SUDS3: variants seen among roughly 807,000 people sequenced by gnomAD.
SUDS3 encodes sin3 histone deacetylase corepressor complex component SDS3.
SUDS3 carries 23 observed loss-of-function variants against 53.5 expected under a neutral mutation model. The ratio of observed to expected loss-of-function variants is 0.43; its 90% CI spans 0.31 to 0.61. The LOEUF (loss-of-function observed/expected upper bound fraction) is 0.61. SUDS3 is among the 20% of genes least tolerant of loss of function. The probability of loss-of-function intolerance (pLI) is 0.10; values close to 1 mark genes in which losing one functional copy is unlikely to be tolerated. For missense variants in SUDS3, 291 were observed against 405.9 expected, an observed-to-expected ratio of 0.72 and a Z score of 2.43; for synonymous variants, 150 against 148.5, an observed-to-expected ratio of 1.01 and a Z score of -0.08.
At chr12:118,391,324 G>T (rs150162609) in intron 6 of SUDS3, 42 bp downstream of exon 6, 80 of 1,557,924 alleles carry the variant, frequency 5.1e-5, no homozygotes, top group Non-Finnish European at 6.4e-5. Context: ...GGCCCTGAGC[G>T]GGGGGGTGTG....
chr12:118,408,543 G>A (rs55659011), intron 10 of SUDS3, among the ~76,000 whole-genome samples: 17,451 of 148,992 alleles, frequency 0.12, 1,273 homozygotes, highest in Middle Eastern at 0.2. Flanking sequence ...CATGTTGGTC[G>A]GGCTGGTCTT....
At chr12:118,407,200 T>C (rs2046316030) in intron 10 of SUDS3, among the ~76,000 whole-genome samples, 1 of 152,128 alleles carries the variant, frequency 6.6e-6, no homozygotes, top group Non-Finnish European at 1.5e-5. Flanking sequence ...AACACTTTAA[T>C]ATCTAAGGAC....
intron 10 of SUDS3, among the ~76,000 whole-genome samples, chr12:118,406,980 T>G (rs1409818158): frequency 1.3e-5 from 2 of 151,154 alleles, no homozygotes; most frequent in Non-Finnish European, 1.5e-5. Context: ...CACTGGAGCC[T>G]TGATCCCCCT....
intron 6 of SUDS3, among the ~76,000 whole-genome samples, chr12:118,393,438 C>T (rs1333020966): frequency 6.6e-6 from 1 of 152,126 alleles, no homozygotes. Context: ...CGTTTATAAA[C>T]CTCCATAGGA....
chr12:118,414,965 C>T lies in SUDS3; in HGVS notation c.*532C>T, dbSNP rs1336066866. 3 of 152,270 alleles carry T rather than the reference C, an allele frequency of 2.0e-5. No individual in the cohort carries two copies. Among genetic ancestry groups the T allele is most frequent in the East Asian group, 3.9e-4 (2 of 5,180 alleles). The allele number at this position is 152,270 out of a possible 1,614,324, so 9.4% of individuals were successfully genotyped here. The stretch of plus-strand genomic sequence containing the variant: ...ATGATGAATTCTCGTGGCTCTCGGC[C>T]TTCTCAGAGAAATAAATGCTTTGTG... On this transcript the variant is annotated 3_prime_UTR_variant, in exon 12 of 12. Coordinates refer to ENST00000543473, the MANE Select transcript of SUDS3 (RefSeq NM_022491.3).
Position 118,406,041 on chromosome 12 carries a change from G to A in SUDS3, c.803+2524G>A, listed in dbSNP as rs148534331. The stretch of plus-strand genomic sequence containing the variant: ...GCTCCCTTTCATTTTGAAAGATAAG[G>A]ATCTTCCCTTTGCCTTGGTCTTATA... On this transcript the variant is annotated intron_variant, in intron 10 of 11. Transcript: ENST00000543473. 9.1e-3 allele frequency among the ~76,000 whole-genome samples: 1,386 copies of A among 152,194 alleles called. 8 individuals carry two copies. Among genetic ancestry groups the A allele is most frequent in the Middle Eastern group, 0.017 (5 of 294 alleles).
chr12:118,414,450 T>G lies in SUDS3; in HGVS notation c.*17T>G, dbSNP rs1291058029. The G allele has an allele frequency of 1.9e-6, 3 of 1,540,296 alleles. No individual in the cohort carries two copies. ...GCTGCTTGACTTTCTACAGTGCTCT[T>G]CTCTTGACCCTTTTTCTGGAGTGGG... On this transcript the variant is annotated 3_prime_UTR_variant, in exon 12 of 12. Coordinates refer to ENST00000543473, the MANE Select transcript of SUDS3 (RefSeq NM_022491.3).
chr12:118,401,914 A>G, intron 8 of SUDS3, 69 bp from the exon 9 acceptor site: 1 of 1,599,994 alleles, frequency 6.3e-7, no homozygotes, highest in Non-Finnish European at 8.6e-7. Flanking sequence ...TCATTATGAT[A>G]CCTTTGACAC....
Position 118,395,216 on chromosome 12 carries a change from G to T in SUDS3, c.517+3934G>T, listed in dbSNP as rs369294962. Among the ~76,000 whole-genome samples, 656 of 80,144 alleles carry T rather than the reference G, an allele frequency of 8.2e-3. 7 individuals carry two copies. Among genetic ancestry groups the T allele is most frequent in the African/African-American group, 0.032 (624 of 19,620 alleles). 52.6% of individuals were successfully genotyped at this position (80,144 alleles called of 152,430 possible). ...CTGGTGCTGGCATTGTGGAATCAGG[G>T]TTTTTTTTTTTTTTTTTTTTTTTTT... On this transcript the variant is annotated intron_variant, in intron 6 of 11. Coordinates refer to ENST00000543473, the MANE Select transcript of SUDS3 (RefSeq NM_022491.3).
chr12:118,409,839 C>T (rs2046342952), intron 10 of SUDS3, among the ~76,000 whole-genome samples: 1 of 152,242 alleles, frequency 6.6e-6, no homozygotes, highest in Non-Finnish European at 1.5e-5. Context: ...CATCCTGTGG[C>T]AGCTGCTTTT....
chr12:118,391,947 A>G (rs2046171900), intron 6 of SUDS3, among the ~76,000 whole-genome samples: 1 of 152,228 alleles, frequency 6.6e-6, no homozygotes, highest in South Asian at 2.1e-4. Context: ...ACCTTCTAGA[A>G]TTTAGTAATC....
intron 6 of SUDS3, among the ~76,000 whole-genome samples, chr12:118,394,569 C>G (rs1457399977): frequency 6.6e-6 from 1 of 152,178 alleles, no homozygotes; most frequent in African/African-American, 2.4e-5. Flanking sequence ...TCTGTGTCTT[C>G]TAGGAGGCTA....
chr12:118,380,262 A>G (rs770017827), intron 2 of SUDS3, 31 bp downstream of exon 2: 1 of 1,558,270 alleles, frequency 6.4e-7, no homozygotes, highest in Non-Finnish European at 8.8e-7. Flanking sequence ...TCTTTTTGGA[A>G]CATAGAATTG....
chr12:118,413,976 T>G (rs2046379685), intron 11 of SUDS3, among the ~76,000 whole-genome samples: 1 of 152,222 alleles, frequency 6.6e-6, no homozygotes, highest in Non-Finnish European at 1.5e-5. Flanking sequence ...AGTTTGTGTT[T>G]ATGAATAGAT....
intron 4 of SUDS3, 21 bp downstream of exon 4, chr12:118,386,206 A>C: frequency 6.4e-7 from 1 of 1,568,308 alleles, no homozygotes; most frequent in Non-Finnish European, 8.7e-7. Context: ...TTTAAATGGC[A>C]ATGAATCATC....
Position 118,381,452 on chromosome 12 carries a change from G to T in SUDS3, c.212+1221G>T, listed in dbSNP as rs929537540. On this transcript the variant is annotated intron_variant, in intron 2 of 11. Transcript: ENST00000543473. ...GGCTGGAGTGCAGTGGCCTGATCTCGGCTCACTGCAACCTCTGCCTCCTGG... is the reference window on the plus strand; with the variant it reads ...GGCTGGAGTGCAGTGGCCTGATCTCTGCTCACTGCAACCTCTGCCTCCTGG... 4.6e-5 allele frequency among the ~76,000 whole-genome samples: 7 copies of T among 151,826 alleles called. No homozygotes were observed. In the South Asian group the frequency reaches 8.4e-4, roughly 18 times the overall value.
chr12:118,398,304 G>A (rs567892634), intron 6 of SUDS3, among the ~76,000 whole-genome samples: 16 of 152,236 alleles, frequency 1.1e-4, no homozygotes, highest in African/African-American at 3.6e-4. Context: ...TTACAAACCT[G>A]TGTTAGGTCA....
chr12:118,402,436 G>A (rs778277383), intron 9 of SUDS3: 68 of 193,648 alleles, frequency 3.5e-4, no homozygotes, highest in South Asian at 8.6e-4. Flanking sequence ...GCTCTGACTC[G>A]CAGTTCATAG....
Position 118,377,522 on chromosome 12 carries a change from C to T in SUDS3, c.142+689C>T, listed in dbSNP as rs532306473. Among the ~76,000 whole-genome samples, 3 of 149,914 alleles carry T rather than the reference C, an allele frequency of 2.0e-5. No homozygotes were observed. The East Asian group carries it at 6.0e-4, about 30-fold the overall frequency. ...TCCGTAAATGTTCTCCCCACCCGCC[C>T]CCCTCCCGGAAACAGGTAAGAGAGG... On this transcript the variant is annotated intron_variant, in intron 1 of 11. Coordinates refer to ENST00000543473, the MANE Select transcript of SUDS3 (RefSeq NM_022491.3).
Sources: gnomAD v4.1 joint callset for allele counts (sites outside exome capture counted in the v4.1 genomes callset) on GRCh38, gnomAD v4.1.1 for gene constraint, MANE v1.5 for transcripts, NCBI Gene and HGNC (gene_info 2026-07-23, HGNC 2026-07-21) for gene names.